The following CDK13 variants were observed in gnomAD, a reference collection of about 807,000 sequenced individuals.
CDK13 encodes the protein cyclin-dependent kinase 13.
A neutral mutation model predicts 137.6 loss-of-function variants in CDK13; 40 were observed. That is an observed-to-expected ratio of 0.29 (90% CI 0.23 to 0.38). The LOEUF is 0.38. Ranked by LOEUF, CDK13 falls within the 10% of genes least tolerant of loss-of-function variation. The probability of loss-of-function intolerance (pLI) is 1.00; values close to 1 mark genes in which losing one functional copy is unlikely to be tolerated. For missense variants in CDK13, 1,704 were observed against 1,951.8 expected (o/e 0.87, Z 2.39); for synonymous variants, 869 against 760.1 (o/e 1.14, Z -2.36).
At chr7:40,077,574 G>T (rs1786572135) in intron 9 of CDK13, among the ~76,000 whole-genome samples, 1 of 152,146 alleles carries the variant, frequency 6.6e-6, no homozygotes, top group African/African-American at 2.4e-5. Context: ...TTTAACGAGG[G>T]CCGGGCGTGG....
In CDK13 at chr7:39,950,493, C is replaced by G. The variant is rs1787110975; in HGVS notation, c.-149C>G. 8 of 1,262,618 alleles carry G rather than the reference C, an allele frequency of 6.3e-6. No homozygotes were observed. Among genetic ancestry groups the G allele is most frequent in the East Asian group, 3.2e-5 (1 of 31,718 alleles). The allele number at this position is 1,262,618 out of a possible 1,614,324, so 78.2% of individuals were successfully genotyped here. ...GACCTGGAACCCAGGGACCCGAGTC[C>G]CGACCCGGATTATCGTGGCGCTTTT... On this transcript the variant is annotated 5_prime_UTR_variant, in exon 1 of 14. Coordinates refer to ENST00000181839, the MANE Select transcript of CDK13 (RefSeq NM_003718.5).
At chr7:39,996,232 C>G (rs892028914) in intron 2 of CDK13, among the ~76,000 whole-genome samples, 1 of 152,088 alleles carries the variant, frequency 6.6e-6, no homozygotes. Context: ...ACATTATTTA[C>G]ATTGATAATA....
chr7:40,049,566 T>C (rs1370582206), intron 7 of CDK13, among the ~76,000 whole-genome samples: 4 of 152,218 alleles, frequency 2.6e-5, no homozygotes, highest in Non-Finnish European at 5.9e-5. Flanking sequence ...AGCTAATTAC[T>C]ATGCATTACC....
intron 1 of CDK13, among the ~76,000 whole-genome samples, chr7:39,962,645 C>T (rs1336256788): frequency 2.6e-5 from 4 of 152,154 alleles, no homozygotes; most frequent in Admixed American, 6.5e-5. Context: ...AATTAGATCC[C>T]GTTCGTCAAT....
intron 11 of CDK13, among the ~76,000 whole-genome samples, chr7:40,079,662 G>C (rs1289956742): frequency 6.6e-6 from 1 of 152,062 alleles, no homozygotes; most frequent in Non-Finnish European, 1.5e-5. Context: ...TCTAGTAAAG[G>C]GTACAGCCAG....
chr7:40,070,481 A>G (rs1198415008), intron 9 of CDK13: 1 of 151,248 alleles, frequency 6.6e-6, no homozygotes, highest in African/African-American at 2.4e-5. Context: ...TTGGGAGGCT[A>G]AGGCCGGTGG....
rs1160549355 is a variant in CDK13, at chr7:40,030,235, GTGTGTGTGTGTGTATA to G, written c.2354-15589_2354-15574del. On this transcript the variant is annotated intron_variant, in intron 5 of 13. Coordinates refer to ENST00000181839, the MANE Select transcript of CDK13 (RefSeq NM_003718.5). ...AAGAGAAAATTATATATATATATAT[GTGTGTGTGTGTGTATA>G]TGTGTGTGTGTATATATATATATAG... Among the ~76,000 whole-genome samples the G allele has an allele frequency of 0.013, 34 of 2,590 alleles. No individual in the cohort carries two copies. In the East Asian group the frequency reaches 0.26, roughly 20 times the overall value. 1.7% of individuals were successfully genotyped at this position (2,590 alleles called of 152,430 possible).
intron 1 of CDK13, among the ~76,000 whole-genome samples, chr7:39,958,571 C>T (rs1307718289): frequency 1.3e-5 from 2 of 152,132 alleles, no homozygotes; most frequent in Non-Finnish European, 1.5e-5. Context: ...TGTAACAATG[C>T]TGTCTTGTAG....
At chr7:39,978,909 A>G (rs1019563792) in intron 1 of CDK13, among the ~76,000 whole-genome samples, 2 of 152,226 alleles carry the variant, frequency 1.3e-5, no homozygotes, top group African/African-American at 4.8e-5. Flanking sequence ...ACGGTGGATG[A>G]AGGCACAGGA....
At chr7:40,034,398 T>C (rs1785441231) in intron 5 of CDK13, among the ~76,000 whole-genome samples, 1 of 152,234 alleles carries the variant, frequency 6.6e-6, no homozygotes, top group South Asian at 2.1e-4. Context: ...GAGTATGGAA[T>C]GGCAGTTTTT....
At chr7:39,956,743 A>G (rs1787419309) in intron 1 of CDK13, among the ~76,000 whole-genome samples, 2 of 152,088 alleles carry the variant, frequency 1.3e-5, no homozygotes, top group African/African-American at 2.4e-5. Flanking sequence ...GCATGCCACC[A>G]TGCCTGGCTA....
At chr7:39,983,396 C>T (rs1243743540) in intron 1 of CDK13, among the ~76,000 whole-genome samples, 1 of 152,170 alleles carries the variant, frequency 6.6e-6, no homozygotes, top group African/African-American at 2.4e-5. Flanking sequence ...GCTGGGATTA[C>T]AGGCGTGAGC....
chr7:40,020,374 G>T (rs1201540950), intron 5 of CDK13, among the ~76,000 whole-genome samples: 3 of 151,994 alleles, frequency 2.0e-5, no homozygotes, highest in Non-Finnish European at 4.4e-5. Context: ...GGCCCAAATT[G>T]TTTTATCGCC....
chr7:40,038,933 G>C (rs1785543763), intron 5 of CDK13, among the ~76,000 whole-genome samples: 1 of 152,158 alleles, frequency 6.6e-6, no homozygotes, highest in South Asian at 2.1e-4. Context: ...GACCTCAGGT[G>C]ATCTGCCCAC....
chr7:40,047,340 A>G (rs551843380), intron 6 of CDK13, among the ~76,000 whole-genome samples: 1 of 152,172 alleles, frequency 6.6e-6, no homozygotes, highest in African/African-American at 2.4e-5. Context: ...TAAATAAGGC[A>G]TGGCTGGTTC....
intron 5 of CDK13, among the ~76,000 whole-genome samples, chr7:40,021,699 T>C (rs897153284): frequency 1.3e-5 from 2 of 151,764 alleles, no homozygotes; most frequent in African/African-American, 2.4e-5. Flanking sequence ...AGACACTGCT[T>C]TAAGCTAATT....
rs531153436 is a variant in CDK13 at position 40,027,455 on chromosome 7, A to C, written c.2354-18381A>C. Among the ~76,000 whole-genome samples the C allele has an allele frequency of 3.3e-5, 5 of 152,310 alleles. No homozygotes were observed. The South Asian group carries it at 6.2e-4, about 19-fold the overall frequency. On this transcript the variant is annotated intron_variant, in intron 5 of 13. Transcript: ENST00000181839. ...CTTCACAATCCACTTTGTATTGTAC[A>C]CTCACAGCATATTTTATCTCAGCTG...
intron 5 of CDK13, among the ~76,000 whole-genome samples, chr7:40,034,720 A>G (rs1470280866): frequency 1.3e-5 from 2 of 152,176 alleles, no homozygotes; most frequent in Non-Finnish European, 1.5e-5. Context: ...AATAATACAT[A>G]TTGTCTGATT....
intron 1 of CDK13, among the ~76,000 whole-genome samples, chr7:39,978,281 C>T (rs1299406547): frequency 6.6e-6 from 1 of 152,092 alleles, no homozygotes; most frequent in African/African-American, 2.4e-5. Flanking sequence ...GGAAGTGCTC[C>T]AAATAATTGC....
Sources: gnomAD v4.1 joint callset for allele counts (sites outside exome capture counted in the v4.1 genomes callset) on GRCh38, gnomAD v4.1.1 for gene constraint, MANE v1.5 for transcripts, NCBI Gene and HGNC (gene_info 2026-07-23, HGNC 2026-07-21) for gene names.